ARHGAP5: variants seen among roughly 807,000 people sequenced by gnomAD.
The protein encoded by ARHGAP5 is rho GTPase-activating protein 5.
Under a neutral mutation model 116.6 loss-of-function variants are expected in ARHGAP5, and 23 were observed. The ratio of observed to expected loss-of-function variants is 0.20; its 90% CI spans 0.14 to 0.28. ARHGAP5 has a LOEUF of 0.28. ARHGAP5 is among the 10% of genes least tolerant of loss of function. The pLI is 1.00. For missense variants in ARHGAP5, 1,405 were observed against 1,774.8 expected, an observed-to-expected ratio of 0.79 and a Z score of 3.74; for synonymous variants, 574 against 602.0, an observed-to-expected ratio of 0.95 and a Z score of 0.68.
intron 3 of ARHGAP5, among the ~76,000 whole-genome samples, chr14:32,123,438 A>G (rs1315965469): frequency 6.6e-6 from 1 of 151,724 alleles, no homozygotes; most frequent in Non-Finnish European, 1.5e-5. Flanking sequence ...TACCCATTAT[A>G]TTGATGTTTT....
chr14:32,115,646 G>T (rs1318368062), intron 2 of ARHGAP5, among the ~76,000 whole-genome samples: 4 of 125,622 alleles, frequency 3.2e-5, no homozygotes, highest in Non-Finnish European at 6.7e-5. Flanking sequence ...AGCCTGGGTG[G>T]CAGCCAGACT....
intron 5 of ARHGAP5, 120 bp from the exon 6 acceptor site, chr14:32,152,303 C>A (rs1173917455): frequency 4.3e-6 from 3 of 705,256 alleles, no homozygotes; most frequent in Non-Finnish European, 7.0e-6. Context: ...ATTTTGTTTA[C>A]CTATCCTAAT....
chr14:32,094,340 A>G lies in ARHGAP5; in HGVS notation c.3671A>G (p.Asp1224Gly), dbSNP rs1878416035. ...PAITSDQELD[D>G]KKMKKKTHKV... Reference sequence around the variant, plus strand: ...ATCACTTCTGACCAGGAGTTAGATGATAAGAAGATGAAGAAGAAAACCCAC... The same window carrying G: ...ATCACTTCTGACCAGGAGTTAGATGGTAAGAAGATGAAGAAGAAAACCCAC... The change falls in exon 2 of 7, where the codon GAT (aspartate) becomes GGT (glycine). Residue 1224 changes from aspartate to glycine, a missense_variant. Asp to Gly is a moderately conservative substitution (Grantham distance 94). Around this residue, in one of 6 missense-constraint regions of ARHGAP5, gnomAD observed 176 missense variants for 221.2 expected, o/e 0.80. Coordinates refer to ENST00000345122, the MANE Select transcript of ARHGAP5 (RefSeq NM_001030055.2). 1 of 1,591,664 alleles carries G rather than the reference A, an allele frequency of 6.3e-7. No individual in the cohort carries two copies. Among genetic ancestry groups the G allele is most frequent in the Non-Finnish European group, 8.5e-7 (1 of 1,174,272 alleles).
At chr14:32,100,391 G>T (rs1437671060) in intron 2 of ARHGAP5, among the ~76,000 whole-genome samples, 1 of 151,906 alleles carries the variant, frequency 6.6e-6, no homozygotes, top group Non-Finnish European at 1.5e-5. Context: ...AGAGATGGGG[G>T]TCTCACTATG....
chr14:32,089,791 T>G (rs2041866235), intron 1 of ARHGAP5, among the ~76,000 whole-genome samples: 2 of 151,870 alleles, frequency 1.3e-5, no homozygotes, highest in Non-Finnish European at 2.9e-5. Flanking sequence ...AAAATAAATT[T>G]CGTTATATTT....
chr14:32,081,200 AAGTT>A (rs1477892661), intron 1 of ARHGAP5, among the ~76,000 whole-genome samples: 4 of 152,190 alleles, frequency 2.6e-5, no homozygotes, highest in African/African-American at 9.7e-5. Context: ...ACTGATTTAA[AAGTT>A]AGTAGAAAGG....
At chr14:32,148,965 T>C (rs1172948137) in intron 4 of ARHGAP5, among the ~76,000 whole-genome samples, 1 of 152,214 alleles carries the variant, frequency 6.6e-6, no homozygotes, top group East Asian at 1.9e-4. Context: ...AACTGTAAGC[T>C]TAAAAGGTCC....
At chr14:32,148,021 T>TAC (rs1480366164) in intron 4 of ARHGAP5, among the ~76,000 whole-genome samples, 1 of 152,146 alleles carries the variant, frequency 6.6e-6, no homozygotes, top group East Asian at 1.9e-4. Flanking sequence ...GACATGGTGG[T>TAC]ACACATCTGT....
intron 2 of ARHGAP5, among the ~76,000 whole-genome samples, chr14:32,106,595 CT>C (rs1289401906): frequency 6.6e-6 from 1 of 152,136 alleles, no homozygotes; most frequent in Admixed American, 6.5e-5. Flanking sequence ...ATAGAAGTGC[CT>C]GATCCCTGTC....
intron 1 of ARHGAP5, among the ~76,000 whole-genome samples, chr14:32,090,014 T>C (rs529829683): frequency 6.6e-6 from 1 of 152,076 alleles, no homozygotes; most frequent in East Asian, 1.9e-4. Context: ...TATTCTAAAA[T>C]CTTATCAAAT....
rs1385347600 is a variant in ARHGAP5, at chr14:32,093,552, T to A, written c.2883T>A (p.Ser961Arg). Residue 961 changes from serine to arginine, a missense_variant, in exon 2 of 7, where the codon AGT (serine) becomes AGA (arginine). This residue lies in a region of ARHGAP5 where 944 missense variants were observed against 1,095.3 expected (regional missense o/e 0.86). Coordinates refer to ENST00000345122, the MANE Select transcript of ARHGAP5 (RefSeq NM_001030055.2). Reference sequence around the variant, plus strand: ...ATACAAGGGAATCAACCCATCAAAGTGAAGATGTTTTTCTACCATCTCCCA... The same window carrying A: ...ATACAAGGGAATCAACCCATCAAAGAGAAGATGTTTTTCTACCATCTCCCA... ...SDNTRESTHQ[S>R]EDVFLPSPRD... 6 of 1,613,930 alleles carry A rather than the reference T, an allele frequency of 3.7e-6. No individual in the cohort carries two copies. Among genetic ancestry groups the A allele is most frequent in the Non-Finnish European group, 8.5e-7 (1 of 1,179,892 alleles).
chr14:32,108,281 A>T (rs1879111130), intron 2 of ARHGAP5, among the ~76,000 whole-genome samples: 1 of 152,132 alleles, frequency 6.6e-6, no homozygotes, highest in Admixed American at 6.5e-5. Context: ...ATGTGGGATC[A>T]AAGGAGGGTT....
chr14:32,094,441 T>G, intron 2 of ARHGAP5, 55 bp downstream of exon 2: 1 of 1,293,068 alleles, frequency 7.7e-7, no homozygotes, highest in South Asian at 1.5e-5. Context: ...GTTACTTTTT[T>G]AAAATACTGA....
chr14:32,126,497 T>G (rs1880161428), intron 3 of ARHGAP5, among the ~76,000 whole-genome samples: 1 of 152,366 alleles, frequency 6.6e-6, no homozygotes, highest in South Asian at 2.1e-4. Context: ...GTTAAGGACC[T>G]CACCCTACTC....
At chr14:32,087,944 G>A (rs188141833) in intron 1 of ARHGAP5, among the ~76,000 whole-genome samples, 233 of 152,086 alleles carry the variant, frequency 1.5e-3, no homozygotes, top group African/African-American at 5.2e-3. Context: ...ACCAATGAAA[G>A]GGTCATGACT....
intron 3 of ARHGAP5, among the ~76,000 whole-genome samples, chr14:32,127,139 A>AG: frequency 6.6e-6 from 1 of 151,572 alleles, no homozygotes; most frequent in East Asian, 1.9e-4. Context: ...CTGGGACCAC[A>AG]GGTGCGTGCC....
intron 1 of ARHGAP5, among the ~76,000 whole-genome samples, chr14:32,077,868 C>T (rs1008932158): frequency 5.3e-5 from 8 of 152,066 alleles, no homozygotes; most frequent in Admixed American, 3.3e-4. Flanking sequence ...AAAGGGTACA[C>T]GGGGCGGGTG....
At chr14:32,116,260 G>T (rs1250252799) in intron 2 of ARHGAP5, among the ~76,000 whole-genome samples, 2 of 147,540 alleles carry the variant, frequency 1.4e-5, no homozygotes, top group African/African-American at 5.0e-5. Context: ...CTGCACTCCA[G>T]CCTGGGTGAG....
rs1441509786 is a variant in ARHGAP5, at chr14:32,158,065, G to A, written c.*3117G>A. ...TGTGCTTCACCTACAGGATGCTGCA[G>A]TAAATTAAATATCAGTGAAGCTTCT... On this transcript the variant is annotated 3_prime_UTR_variant, in exon 7 of 7. Coordinates refer to ENST00000345122, the MANE Select transcript of ARHGAP5 (RefSeq NM_001030055.2). The A allele has an allele frequency of 2.0e-5, 3 of 151,700 alleles. No individual in the cohort carries two copies. Among genetic ancestry groups the A allele is most frequent in the Admixed American group, 6.6e-5 (1 of 15,244 alleles). 9.4% of individuals were successfully genotyped at this position (151,700 alleles called of 1,614,324 possible).
Sources: gnomAD v4.1 joint callset for allele counts (sites outside exome capture counted in the v4.1 genomes callset) on GRCh38, gnomAD v4.1.1 for gene constraint, gnomAD v4.1.1 regional missense constraint, MANE v1.5 for transcripts, NCBI Gene and HGNC (gene_info 2026-07-23, HGNC 2026-07-21) for gene names.